FBXO31: variants seen among roughly 807,000 people sequenced by gnomAD.
The protein encoded by FBXO31 is F-box protein 31.
In FBXO31, 24 loss-of-function variants were observed where a neutral mutation model predicts 54.4. The observed-to-expected ratio is 0.44, with a 90% CI of 0.32 to 0.62. The LOEUF (loss-of-function observed/expected upper bound fraction) is 0.62. Among genes scored for constraint, FBXO31 ranks in the 20% least tolerant of loss-of-function variants. The pLI is 0.05. For synonymous variants in FBXO31, 388 were observed against 335.6 expected (o/e 1.16, Z -1.71); for missense variants, 665 against 787.1 (o/e 0.84, Z 1.86).
chr16:87,350,375 G>A (rs1318203155), intron 2 of FBXO31, among the ~76,000 whole-genome samples: 1 of 152,206 alleles, frequency 6.6e-6, no homozygotes, highest in African/African-American at 2.4e-5. Flanking sequence ...AGCCCCGGCT[G>A]TGTGCAGGCT....
chr16:87,374,974 G>C (rs1365353579), intron 1 of FBXO31, among the ~76,000 whole-genome samples: 1 of 152,124 alleles, frequency 6.6e-6, no homozygotes, highest in African/African-American at 2.4e-5. Flanking sequence ...CCTGAGATCA[G>C]GAGTTCAAGA....
chr16:87,343,088 C>T (rs1905243036), intron 4 of FBXO31, 137 bp from the exon 5 acceptor site: 2 of 661,052 alleles, frequency 3.0e-6, no homozygotes, highest in South Asian at 2.0e-5. Flanking sequence ...AAGATGCGAC[C>T]AACGCGGTGC....
intron 1 of FBXO31, among the ~76,000 whole-genome samples, chr16:87,375,769 C>T (rs1202654644): frequency 1.3e-5 from 2 of 152,130 alleles, no homozygotes; most frequent in Non-Finnish European, 2.9e-5. Context: ...TGTTTCCTAT[C>T]CGGAGAAGGA....
In FBXO31 at chr16:87,336,381, A is replaced by G; in HGVS notation, c.733-117T>C. ...TCTTTGTCAGTGCACAGGCACCTGC[A>G]GGGCCCTCTTGGTGGGGGAGGATGG... On this transcript the variant is annotated intron_variant, in intron 5 of 8. Transcript: ENST00000311635. The surrounding 1 kb of genome is among the most constrained non-coding windows in gnomAD (Gnocchi z 6.5). 1 of 834,462 alleles carries G rather than the reference A, an allele frequency of 1.2e-6. No individual in the cohort carries two copies. The highest frequency in any genetic ancestry group is 1.9e-6 in the Non-Finnish European group (1 of 515,312). The allele number at this position is 834,462 out of a possible 1,614,324, so 51.7% of individuals were successfully genotyped here. A position where few individuals can be genotyped will look rare whatever the true frequency, so the allele number is the denominator to read the frequency against.
chr16:87,342,399 A>C (rs1243845492), intron 5 of FBXO31, among the ~76,000 whole-genome samples: 2 of 152,150 alleles, frequency 1.3e-5, no homozygotes, highest in African/African-American at 4.8e-5. Flanking sequence ...GATCCTTGAA[A>C]GCTAAAACTC....
chr16:87,379,584 T>C (rs1387641379), intron 1 of FBXO31, among the ~76,000 whole-genome samples: 1 of 152,110 alleles, frequency 6.6e-6, no homozygotes, highest in Non-Finnish European at 1.5e-5. Context: ...TCAGGGCTGC[T>C]CTCTGGCCAC....
intron 1 of FBXO31, 90 bp from the exon 2 acceptor site, chr16:87,360,456 G>A: frequency 4.7e-6 from 5 of 1,064,896 alleles, no homozygotes; most frequent in South Asian, 2.6e-5. Context: ...CAGGGGAGGT[G>A]CACACCTAGC....
At chr16:87,351,690 G>A (rs1198974831) in intron 2 of FBXO31, among the ~76,000 whole-genome samples, 1 of 152,116 alleles carries the variant, frequency 6.6e-6, no homozygotes, top group Non-Finnish European at 1.5e-5. Flanking sequence ...CCAACATGGT[G>A]AAATCCCGTC....
chr16:87,383,364 A>ACCCCCCCCCCCCCCCCGCCCCCCCCCCC lies in FBXO31; in HGVS notation c.340+40_340+41insGGGGGGGGGGGCGGGGGGGGGGGGGGGG. ...GCTCCGAGGCCTCCACCTGGCAGGG[A>ACCCCCCCCCCCCCCCCGCCCCCCCCCCC]CCCCCCGCCCCTCCCGGCCCCGCCA... On this transcript the variant is annotated intron_variant, in intron 1 of 8. Coordinates refer to ENST00000311635, the MANE Select transcript of FBXO31 (RefSeq NM_024735.5). The surrounding 1 kb of genome is among the most constrained non-coding windows in gnomAD (Gnocchi z 4.9). 3 of 1,329,440 alleles carry ACCCCCCCCCCCCCCCCGCCCCCCCCCCC rather than the reference A, an allele frequency of 2.3e-6. No homozygotes were observed. Among genetic ancestry groups the ACCCCCCCCCCCCCCCCGCCCCCCCCCCC allele is most frequent in the Non-Finnish European group, 3.1e-6 (3 of 975,770 alleles). The allele number at this position is 1,329,440 out of a possible 1,614,324, so 82.4% of individuals were successfully genotyped here.
chr16:87,383,357 G>T lies in FBXO31; in HGVS notation c.340+48C>A. 1 of 1,436,230 alleles carries T rather than the reference G, an allele frequency of 7.0e-7. No individual in the cohort carries two copies. Among genetic ancestry groups the T allele is most frequent in the South Asian group, 1.3e-5 (1 of 79,550 alleles). 89.0% of individuals were successfully genotyped at this position (1,436,230 alleles called of 1,614,324 possible). A position where few individuals can be genotyped will look rare whatever the true frequency, so the allele number is the denominator to read the frequency against. On this transcript the variant is annotated intron_variant, in intron 1 of 8. Transcript: ENST00000311635. This position sits in a 1 kb window ranked among gnomAD's most constrained non-coding sequence, Gnocchi z 4.9. Reference sequence around the variant, plus strand: ...ACTCCCAGCTCCGAGGCCTCCACCTGGCAGGGACCCCCCGCCCCTCCCGGC... The same window carrying T: ...ACTCCCAGCTCCGAGGCCTCCACCTTGCAGGGACCCCCCGCCCCTCCCGGC...
chr16:87,370,821 T>C (rs770034627), intron 1 of FBXO31, among the ~76,000 whole-genome samples: 142 of 152,148 alleles, frequency 9.3e-4, no homozygotes, highest in Non-Finnish European at 2.0e-3. Flanking sequence ...ACGACACTGA[T>C]TGGAAAGACT....
At chr16:87,370,776 C>T (rs117937070) in intron 1 of FBXO31, among the ~76,000 whole-genome samples, 2,256 of 152,268 alleles carry the variant, frequency 0.015, 35 homozygotes, top group Middle Eastern at 0.037. Flanking sequence ...GTGTCCTACC[C>T]GCTTTACACT....
chr16:87,375,745 A>G (rs1906795057), intron 1 of FBXO31, among the ~76,000 whole-genome samples: 1 of 152,122 alleles, frequency 6.6e-6, no homozygotes, highest in Non-Finnish European at 1.5e-5. Flanking sequence ...TGCAGGCTGG[A>G]GTGAGTTTGG....
intron 1 of FBXO31, among the ~76,000 whole-genome samples, chr16:87,379,600 C>T (rs952982578): frequency 3.3e-5 from 5 of 152,146 alleles, no homozygotes; most frequent in Admixed American, 6.5e-5. Context: ...GCCACTAAAG[C>T]CAGGAAGTCA....
chr16:87,344,236 C>A (rs77477447), intron 3 of FBXO31, among the ~76,000 whole-genome samples: 1 of 152,202 alleles, frequency 6.6e-6, no homozygotes, highest in Non-Finnish European at 1.5e-5. Context: ...AGGGCGCTGC[C>A]CGGAGGGACG....
intron 1 of FBXO31, chr16:87,367,439 G>C (rs901864210): frequency 1.3e-5 from 2 of 152,322 alleles, no homozygotes; most frequent in African/African-American, 4.8e-5. Flanking sequence ...TTCCCAGGGG[G>C]GTCCTGCCAG....
At chr16:87,364,032 A>G (rs966541907) in intron 1 of FBXO31, among the ~76,000 whole-genome samples, 32 of 152,292 alleles carry the variant, frequency 2.1e-4, no homozygotes, top group African/African-American at 7.2e-4. Flanking sequence ...TGGCGGGGTG[A>G]GAGCTGCGGC....
intron 2 of FBXO31, among the ~76,000 whole-genome samples, chr16:87,355,699 G>C (rs546735344): frequency 6.6e-6 from 1 of 152,154 alleles, no homozygotes; most frequent in Non-Finnish European, 1.5e-5. Context: ...AGCAACTGGC[G>C]CTACATCACA....
At chr16:87,351,179 C>T (rs977226936) in intron 2 of FBXO31, among the ~76,000 whole-genome samples, 5 of 152,148 alleles carry the variant, frequency 3.3e-5, no homozygotes, top group African/African-American at 9.7e-5. Flanking sequence ...AGAGTCCTTA[C>T]GAAGCATGGC....
Sources: gnomAD v4.1 joint callset for allele counts (sites outside exome capture counted in the v4.1 genomes callset) on GRCh38, gnomAD v4.1.1 for gene constraint, Gnocchi (gnomAD v3.1) non-coding constraint, MANE v1.5 for transcripts, NCBI Gene and HGNC (gene_info 2026-07-23, HGNC 2026-07-21) for gene names.